Variants in LPL observed in about 807,000 individuals in gnomAD.
The protein encoded by LPL is phospholipase A1.
A neutral mutation model predicts 52.2 loss-of-function variants in LPL; 43 were observed. The ratio of observed to expected loss-of-function variants is 0.82; its 90% confidence interval spans 0.64 to 1.06. The LOEUF (loss-of-function observed/expected upper bound fraction) is 1.06. Among genes scored for constraint, LPL ranks in the 50% least tolerant of loss-of-function variants. The pLI is 0.00. For missense variants in LPL, 639 were observed against 585.3 expected (o/e 1.09, Z -0.95); for synonymous variants, 244 against 215.6 (o/e 1.13, Z -1.15).
rs566920123 is a variant in LPL, at chr8:19,959,431, T to C, written c.1139+51T>C. The C allele has an allele frequency of 1.8e-4, 289 of 1,611,708 alleles. 3 individuals carry two copies. The highest frequency in any genetic ancestry group is 5.6e-4 in the South Asian group (51 of 90,960). On this transcript the variant is annotated intron_variant, in intron 7 of 9. Coordinates refer to ENST00000650287, the MANE Select transcript of LPL (RefSeq NM_000237.3). ...CATGGCACCAGTCCCTCTCCTGCCA[T>C]AACCCTTGGTCTGAGCAGCAGAAGC...
Position 19,962,196 on chromosome 8 carries a change from G to C in LPL, c.1404G>C (p.Lys468Asn). 9 of 1,613,770 alleles carry C rather than the reference G, an allele frequency of 5.6e-6. No individual in the cohort carries two copies. The highest frequency in any genetic ancestry group is 7.6e-6 in the Non-Finnish European group (9 of 1,179,736). Residue 468 changes from lysine to asparagine, a missense_variant, in exon 9 of 10, where the codon AAG becomes AAC. By Grantham distance (94) the Lys-to-Asn change is moderately conservative. Coordinates refer to ENST00000650287, the MANE Select transcript of LPL (RefSeq NM_000237.3). The part of the protein sequence containing the change: ...APAVFVKCHD[K>N]SLNKKSG ...CGGTATTTGTGAAATGCCATGACAA[G>C]TCTCTGAATAAGAAGTCAGGCTGGT...
intron 5 of LPL, 72 bp from the exon 6 acceptor site, chr8:19,955,769 T>C: frequency 6.3e-7 from 1 of 1,597,416 alleles, no homozygotes; most frequent in South Asian, 1.1e-5. Context: ...TCACCTATTT[T>C]AGACATGCCA....
At chr8:19,960,373 C>T (rs562794919) in intron 7 of LPL, among the ~76,000 whole-genome samples, 3 of 152,260 alleles carry the variant, frequency 2.0e-5, no homozygotes, top group Non-Finnish European at 4.4e-5. Flanking sequence ...CAATTACAGT[C>T]GTACCTATAC....
In LPL at chr8:19,962,137, A is replaced by G. The variant is rs1338959301; in HGVS notation, c.1345A>G (p.Lys449Glu). The change falls in exon 9 of 10, where the codon AAA becomes GAA. Residue 449 changes from lysine to glutamate, a missense_variant. Coordinates refer to ENST00000650287, the MANE Select transcript of LPL (RefSeq NM_000237.3). ...CAGGGTGATCTTCTGTTCTAGGGAGAAAGTGTCTCATTTGCAGAAAGGAAA... is the reference window on the plus strand; with the variant it reads ...CAGGGTGATCTTCTGTTCTAGGGAGGAAGTGTCTCATTTGCAGAAAGGAAA... ...QKKVIFCSRE[K>E]VSHLQKGKAP... is the part of the protein sequence containing the mutation. The G allele has an allele frequency of 6.2e-7, 1 of 1,613,498 alleles. No individual in the cohort carries two copies. Among genetic ancestry groups the G allele is most frequent in the South Asian group, 1.1e-5 (1 of 91,068 alleles).
intron 1 of LPL, among the ~76,000 whole-genome samples, chr8:19,940,058 G>A (rs2069819060): frequency 1.3e-5 from 2 of 152,198 alleles, no homozygotes; most frequent in South Asian, 4.1e-4. Flanking sequence ...GGGCATCTCA[G>A]CCGCACGGGG....
At chr8:19,956,820 C>CTTAT (rs1389855743) in intron 6 of LPL, among the ~76,000 whole-genome samples, 2 of 152,076 alleles carry the variant, frequency 1.3e-5, no homozygotes, top group African/African-American at 4.8e-5. Flanking sequence ...GACCATCTGT[C>CTTAT]TTATTTATTT....
chr8:19,948,506 G>A, intron 2 of LPL, 166 bp downstream of exon 2: 2 of 765,990 alleles, frequency 2.6e-6, no homozygotes, highest in Non-Finnish European at 2.1e-6. Context: ...GAAGCCACAG[G>A]TTCATGAGAA....
chr8:19,939,379 G>A lies in LPL; in HGVS notation c.-62G>A. ...GCGGCTCCAGCCCTCTCCAGCCTCC[G>A]GCTCAGCCGGCTCATCAGTCGGTCC... is the stretch of plus-strand genomic sequence containing the variant. On this transcript the variant is annotated 5_prime_UTR_variant, in exon 1 of 10. Coordinates refer to ENST00000650287, the MANE Select transcript of LPL (RefSeq NM_000237.3). The surrounding 1 kb of genome is among the most constrained non-coding windows in gnomAD (Gnocchi z 4.0). 1.5e-5 allele frequency: 23 copies of A among 1,522,484 alleles called. No homozygotes were observed. The highest frequency in any genetic ancestry group is 2.0e-5 in the Non-Finnish European group (22 of 1,121,712). 94.3% of individuals were successfully genotyped at this position (1,522,484 alleles called of 1,614,324 possible).
intron 1 of LPL, among the ~76,000 whole-genome samples, chr8:19,947,072 C>T (rs572830496): frequency 2.4e-4 from 36 of 152,106 alleles, no homozygotes; most frequent in African/African-American, 6.8e-4. Flanking sequence ...ATACATAGCA[C>T]GGGTATTTCT....
intron 2 of LPL, 42 bp from the exon 3 acceptor site, chr8:19,951,727 G>C: frequency 6.2e-7 from 1 of 1,607,338 alleles, no homozygotes; most frequent in Non-Finnish European, 8.5e-7. Context: ...TATGACAAGT[G>C]GTAGGTGGGT....
In LPL at chr8:19,950,487, C is replaced by T. The variant is rs549260995; in HGVS notation, c.250-1282C>T. On this transcript the variant is annotated intron_variant, in intron 2 of 9. Transcript: ENST00000650287. The surrounding 1 kb of genome is among the most constrained non-coding windows in gnomAD (Gnocchi z 4.2). ...CTGTAGGAGTAAGTTGGATGTCCAG[C>T]CTTTTTAGATTGCTTAACTTGGAAA... is the stretch of plus-strand genomic sequence containing the variant. Among the ~76,000 whole-genome samples the T allele has an allele frequency of 9.2e-5, 14 of 152,196 alleles. No homozygotes were observed. Among genetic ancestry groups the T allele is most frequent in the African/African-American group, 1.9e-4 (8 of 41,518 alleles).
In LPL at chr8:19,939,794, G is replaced by A. The variant is rs982686788; in HGVS notation, c.88+266G>A. 1.1e-4 allele frequency among the ~76,000 whole-genome samples: 17 copies of A among 152,334 alleles called. No homozygotes were observed. The highest frequency in any genetic ancestry group is 3.8e-4 in the African/African-American group (16 of 41,590). ...CCGCGCTATCCCTTCCACTCTGGCTGGGACCGCGTTCCCGGGCTCGCAGGC... is the reference window on the plus strand; with the variant it reads ...CCGCGCTATCCCTTCCACTCTGGCTAGGACCGCGTTCCCGGGCTCGCAGGC... On this transcript the variant is annotated intron_variant, in intron 1 of 9. Transcript: ENST00000650287. The surrounding 1 kb of genome is among the most constrained non-coding windows in gnomAD (Gnocchi z 4.0).
At position 19,950,826 on chromosome 8, in the gene LPL, A is replaced by C. The variant is rs932538585; in HGVS notation, c.250-943A>C. Among the ~76,000 whole-genome samples, 9 of 149,552 alleles carry C rather than the reference A, an allele frequency of 6.0e-5. No individual in the cohort carries two copies. The highest frequency in any genetic ancestry group is 8.9e-5 in the Non-Finnish European group (6 of 67,452). On this transcript the variant is annotated intron_variant, in intron 2 of 9. Coordinates refer to ENST00000650287, the MANE Select transcript of LPL (RefSeq NM_000237.3). This position sits in a 1 kb window ranked among gnomAD's most constrained non-coding sequence, Gnocchi z 4.2. Reference sequence around the variant, plus strand: ...CAAAAGAAAGGAAAGAAAGGAGGGAAAGAAAGGAAGGAATGAAAGGAAGGA... The same window carrying C: ...CAAAAGAAAGGAAAGAAAGGAGGGACAGAAAGGAAGGAATGAAAGGAAGGA...
intron 9 of LPL, 47 bp downstream of exon 9, chr8:19,962,266 C>T (rs773399779): frequency 1.6e-5 from 23 of 1,433,448 alleles, no homozygotes; most frequent in African/African-American, 2.8e-5. Context: ...AGCTTGCACC[C>T]TAAGGGAGGC....
At position 19,950,320 on chromosome 8, in the gene LPL, A is replaced by T. The variant is rs543953828; in HGVS notation, c.250-1449A>T. Among the ~76,000 whole-genome samples, 1 of 152,364 alleles carries T rather than the reference A, an allele frequency of 6.6e-6. No homozygotes were observed. The highest frequency in any genetic ancestry group is 1.9e-4 in the East Asian group (1 of 5,188). ...AAAAACTCAGATTGAAAGAACTTAGAATAAGACCCTTTTTGAGTTGAGAAA... is the reference window on the plus strand; with the variant it reads ...AAAAACTCAGATTGAAAGAACTTAGTATAAGACCCTTTTTGAGTTGAGAAA... On this transcript the variant is annotated intron_variant, in intron 2 of 9. Coordinates refer to ENST00000650287, the MANE Select transcript of LPL (RefSeq NM_000237.3). The surrounding 1 kb of genome is among the most constrained non-coding windows in gnomAD (Gnocchi z 4.2).
chr8:19,939,886 C>T lies in LPL; in HGVS notation c.88+358C>T, dbSNP rs949520519. ...AGGCGGGGAGTAAGGGCCCGGCTGG[C>T]GGTGACCTGCAGTCACCTCTCTGCC... On this transcript the variant is annotated intron_variant, in intron 1 of 9. Coordinates refer to ENST00000650287, the MANE Select transcript of LPL (RefSeq NM_000237.3). This position sits in a 1 kb window ranked among gnomAD's most constrained non-coding sequence, Gnocchi z 4.0. Among the ~76,000 whole-genome samples the T allele has an allele frequency of 6.6e-6, 1 of 152,160 alleles. No homozygotes were observed. Among genetic ancestry groups the T allele is most frequent in the Non-Finnish European group, 1.5e-5 (1 of 68,020 alleles).
At position 19,956,090 on chromosome 8, in the gene LPL, T is replaced by G. The variant is rs945349779; in HGVS notation, c.1018+7T>G. The stretch of plus-strand genomic sequence containing the variant: ...TCTCAGATGCCCTACAAAGGTAGGC[T>G]GGAGACTGTTGTAAATAAGGAAACC... On this transcript the variant is annotated splice_region_variant and intron_variant, in intron 6 of 9. Coordinates refer to ENST00000650287, the MANE Select transcript of LPL (RefSeq NM_000237.3). 1.2e-6 allele frequency: 2 copies of G among 1,614,134 alleles called. No homozygotes were observed. The highest frequency in any genetic ancestry group is 2.7e-5 in the African/African-American group (2 of 75,062).
intron 1 of LPL, among the ~76,000 whole-genome samples, chr8:19,941,535 G>T (rs2069838901): frequency 6.6e-6 from 1 of 152,176 alleles, no homozygotes. Flanking sequence ...GGACACTTAT[G>T]TGATTAATTA....
chr8:19,964,294 G>A (rs1171093191), intron 9 of LPL, among the ~76,000 whole-genome samples: 2 of 152,092 alleles, frequency 1.3e-5, no homozygotes, highest in African/African-American at 2.4e-5. Context: ...CACATAAATA[G>A]CATGCATATT....
Sources: allele counts gnomAD v4.1 joint callset (sites outside exome capture counted in the v4.1 genomes callset), GRCh38; gene constraint gnomAD v4.1.1; non-coding constraint Gnocchi (gnomAD v3.1); transcripts MANE v1.5; gene names NCBI Gene and HGNC (gene_info 2026-07-23, HGNC 2026-07-21).